Variants in LEUTX observed in about 807,000 individuals in gnomAD.
LEUTX encodes the protein leucine twenty homeobox, also known as paired-like homeodomain transcription factor LEUTX.
Under a neutral mutation model 4.5 loss-of-function variants are expected in LEUTX, and 5 were observed. The observed-to-expected ratio is 1.11, with a 90% CI of 0.58 to 2.34. The LOEUF is 2.34. LEUTX is among the 30% of genes most tolerant of loss of function. The pLI, the probability that LEUTX is intolerant of heterozygous loss-of-function variation, is 0.01. For missense variants in LEUTX, 233 were observed against 239.4 expected (o/e 0.97, Z 0.18); for synonymous variants, 89 against 85.1 (o/e 1.05, Z -0.25).
rs1032632220 is a variant in LEUTX, at chr19:39,785,682, C to G, written c.160-16C>G. The G allele has an allele frequency of 1.7e-5, 26 of 1,545,412 alleles. No homozygotes were observed. In the Admixed American group the frequency reaches 3.2e-4, roughly 19 times the overall value. The stretch of plus-strand genomic sequence containing the variant: ...CTCAACATCCATTATTAACCTCCCC[C>G]CTCCTCCCTCCTTAGATCTGGTTCA... On this transcript the variant is annotated splice_polypyrimidine_tract_variant and intron_variant, in intron 2 of 2. Coordinates refer to ENST00000638280, the MANE Select transcript of LEUTX (RefSeq NM_001382345.1).
upstream of LEUTX, among the ~76,000 whole-genome samples, chr19:39,778,204 C>T (rs1443340382): frequency 6.6e-6 from 1 of 152,134 alleles, no homozygotes; most frequent in Admixed American, 6.5e-5. Flanking sequence ...GAGAGGGATG[C>T]TCAGAGGAAA....
At chr19:39,776,602 C>A, upstream of LEUTX, 2 of 456,202 alleles carry the variant, frequency 4.4e-6, no homozygotes, top group Non-Finnish European at 8.8e-6. Context: ...TAACTGCACA[C>A]GGTTTTCAGC....
chr19:39,778,120 G>A (rs1019720474), upstream of LEUTX, among the ~76,000 whole-genome samples: 6 of 152,160 alleles, frequency 3.9e-5, no homozygotes, highest in Admixed American at 6.5e-5. Context: ...GGAGAAGAAC[G>A]TTAGGGGGAG....
In LEUTX at chr19:39,785,758, C is replaced by T. The variant is rs558962748; in HGVS notation, c.220C>T (p.Arg74Trp). ...KRQQRQQMQTRPSLGPANQTT... is the reference protein window; with the variant it reads ...KRQQRQQMQTWPSLGPANQTT... Reference sequence around the variant, plus strand: ...GCAGCAGCGGCAGCAAATGCAGACACGGCCATCACTAGGGCCAGCAAACCA... The same window carrying T: ...GCAGCAGCGGCAGCAAATGCAGACATGGCCATCACTAGGGCCAGCAAACCA... Residue 74 changes from arginine (R) to tryptophan (W), a missense_variant, in exon 3 of 3, where the codon CGG (arginine) becomes TGG (tryptophan). Coordinates refer to ENST00000638280, the MANE Select transcript of LEUTX (RefSeq NM_001382345.1). 2.6e-5 allele frequency: 40 copies of T among 1,551,746 alleles called. No homozygotes were observed. The highest frequency in any genetic ancestry group is 3.0e-5 in the Non-Finnish European group (34 of 1,146,994).
In LEUTX at chr19:39,784,586, T is replaced by C. The variant is rs1430896975; in HGVS notation, c.67T>C (p.Leu23=). 1.3e-6 allele frequency: 2 copies of C among 1,526,368 alleles called. No homozygotes were observed. The highest frequency in any genetic ancestry group is 2.5e-5 in the East Asian group (1 of 40,790). The allele number at this position is 1,526,368 out of a possible 1,614,324, so 94.6% of individuals were successfully genotyped here. Residue 23 remains leucine, a synonymous_variant, in exon 2 of 3, where the codon TTG becomes CTG. Coordinates refer to ENST00000638280, the MANE Select transcript of LEUTX (RefSeq NM_001382345.1). ...TRFLSKQLTA[L]RELLEKTMHP... is the part of the protein sequence containing the mutation. ...ATTTCTCTCCAAACAACTCACAGCA[T>C]TGAGAGAATTGCTTGAAAAGACCAT...
At chr19:39,779,268 T>G (rs1967848980) in intron 1 of LEUTX, among the ~76,000 whole-genome samples, 2 of 152,176 alleles carry the variant, frequency 1.3e-5, no homozygotes, top group Admixed American at 1.3e-4. Flanking sequence ...TTAAATTTTT[T>G]GTAGAGACAG....
At chr19:39,784,793 T>A (rs765456972) in intron 2 of LEUTX, 115 bp downstream of exon 2, 15 of 703,110 alleles carry the variant, frequency 2.1e-5, no homozygotes, top group Non-Finnish European at 3.1e-5. Flanking sequence ...TAAGGACAGA[T>A]GTTAAGCACT....
At chr19:39,776,627 G>A (rs61732544), upstream of LEUTX, 21 of 456,158 alleles carry the variant, frequency 4.6e-5, no homozygotes, top group African/African-American at 3.0e-4. Flanking sequence ...TGCCTCCGTG[G>A]AACCTGCCTG....
intron 1 of LEUTX, among the ~76,000 whole-genome samples, chr19:39,780,888 G>A (rs1180951325): frequency 6.6e-6 from 1 of 151,414 alleles, no homozygotes; most frequent in Non-Finnish European, 1.5e-5. Context: ...ATTTTTAGTA[G>A]AGATGGGGTT....
At chr19:39,780,455 C>T (rs190462477) in intron 1 of LEUTX, among the ~76,000 whole-genome samples, 1 of 152,232 alleles carries the variant, frequency 6.6e-6, no homozygotes, top group East Asian at 1.9e-4. Context: ...TTGTGCTCAT[C>T]GTGGAATGTC....
Position 39,786,247 on chromosome 19 carries a change from T to C in LEUTX, c.*112T>C. ...AAGTAGATCAGGGGCTGGGAATTTA[T>C]CTTTTTCTGTAGAAAAAACAATAAA... On this transcript the variant is annotated 3_prime_UTR_variant, in exon 3 of 3. Transcript: ENST00000638280. 1.3e-6 allele frequency: 1 copy of C among 786,422 alleles called. No individual in the cohort carries two copies. The highest frequency in any genetic ancestry group is 1.9e-6 in the Non-Finnish European group (1 of 527,898). The allele number at this position is 786,422 out of a possible 1,614,324, so 48.7% of individuals were successfully genotyped here. A position where few individuals can be genotyped will look rare whatever the true frequency, so the allele number is the denominator to read the frequency against.
chr19:39,781,746 A>G (rs1453498049), intron 1 of LEUTX, among the ~76,000 whole-genome samples: 1 of 152,216 alleles, frequency 6.6e-6, no homozygotes, highest in Non-Finnish European at 1.5e-5. Flanking sequence ...TGCTTTGTGT[A>G]TAGCCTGCAG....
chr19:39,777,749 G>C (rs1374605331), upstream of LEUTX, among the ~76,000 whole-genome samples: 1 of 152,190 alleles, frequency 6.6e-6, no homozygotes, highest in Non-Finnish European at 1.5e-5. Context: ...AGGAGTTGAA[G>C]GCTGCAGTGA....
intron 1 of LEUTX, among the ~76,000 whole-genome samples, chr19:39,783,010 A>G (rs1967909797): frequency 6.6e-6 from 1 of 151,874 alleles, no homozygotes; most frequent in South Asian, 2.1e-4. Context: ...CCATATTTGT[A>G]GTCTTTTATC....
intron 1 of LEUTX, among the ~76,000 whole-genome samples, chr19:39,781,489 T>TG (rs2144956074): frequency 6.6e-6 from 1 of 152,278 alleles, no homozygotes; most frequent in South Asian, 2.1e-4. Flanking sequence ...GTGTTGGAGG[T>TG]GGGCCTGGTG....
chr19:39,782,327 A>G (rs1255810817), intron 1 of LEUTX, among the ~76,000 whole-genome samples: 2 of 152,122 alleles, frequency 1.3e-5, no homozygotes, highest in East Asian at 1.9e-4. Flanking sequence ...TTTCCCCCAT[A>G]CGGTGCTCAT....
At chr19:39,784,488 A>AT (rs770741686) in intron 1 of LEUTX, 39 bp from the exon 2 acceptor site, 7 of 744,200 alleles carry the variant, frequency 9.4e-6, no homozygotes, top group Middle Eastern at 2.3e-4. Flanking sequence ...TTCCTTCCGA[A>AT]TTTTTTTAAT....
At chr19:39,784,935 A>G (rs779699318) in intron 2 of LEUTX, among the ~76,000 whole-genome samples, 1 of 152,118 alleles carries the variant, frequency 6.6e-6, no homozygotes, top group Non-Finnish European at 1.5e-5. Context: ...CAGACCCACC[A>G]TGCTACACAG....
At chr19:39,780,426 C>T (rs73546625) in intron 1 of LEUTX, among the ~76,000 whole-genome samples, 7,144 of 152,136 alleles carry the variant, frequency 0.047, 604 homozygotes, top group African/African-American at 0.16. Context: ...TTTGCAACAA[C>T]GATCCTTTTG....
Sources: allele counts gnomAD v4.1 joint callset (sites outside exome capture counted in the v4.1 genomes callset), GRCh38; gene constraint gnomAD v4.1.1; transcripts MANE v1.5; gene names NCBI Gene and HGNC (gene_info 2026-07-23, HGNC 2026-07-21).